The following RYR2 variants were observed in gnomAD, a reference collection of about 807,000 sequenced individuals.
RYR2 encodes cardiac muscle ryanodine receptor-calcium release channel.
Under a neutral mutation model 601.1 loss-of-function variants are expected in RYR2, and 227 were observed. The ratio of observed to expected loss-of-function variants is 0.38; its 90% CI spans 0.34 to 0.42. The LOEUF (loss-of-function observed/expected upper bound fraction) is 0.42. Among genes scored for constraint, RYR2 ranks in the 10% least tolerant of loss-of-function variants. RYR2 has a pLI of 1.00. For missense variants in RYR2, 4,646 were observed against 6,156.5 expected (o/e 0.75, Z 8.21); for synonymous variants, 2,223 against 2,175.1 (o/e 1.02, Z -0.61).
At chr1:237,806,339 CAAAG>C (rs1660632124) in intron 99 of RYR2, 56 bp downstream of exon 99, 1 of 1,519,288 alleles carries the variant, frequency 6.6e-7, no homozygotes, top group East Asian at 2.3e-5. Flanking sequence ...ACAAATAAAA[CAAAG>C]AAAAATAAAA....
chr1:237,102,296 G>A (rs1234186415), intron 1 of RYR2, among the ~76,000 whole-genome samples: 1 of 152,186 alleles, frequency 6.6e-6, no homozygotes, highest in Non-Finnish European at 1.5e-5. Context: ...AGGTGCTGGT[G>A]AGGGTGGTGG....
intron 2 of RYR2, among the ~76,000 whole-genome samples, chr1:237,318,919 C>T (rs1007326963): frequency 1.3e-5 from 2 of 152,094 alleles, no homozygotes; most frequent in African/African-American, 2.4e-5. Flanking sequence ...TTCTTTCTCT[C>T]CTATTCTTCT....
intron 10 of RYR2, among the ~76,000 whole-genome samples, chr1:237,406,323 G>A (rs1248124638): frequency 1.3e-5 from 2 of 149,546 alleles, no homozygotes; most frequent in Non-Finnish European, 3.0e-5. Flanking sequence ...CTGTACATTC[G>A]TGGATACAGG....
intron 2 of RYR2, among the ~76,000 whole-genome samples, chr1:237,293,272 A>C (rs1692426457): frequency 6.6e-6 from 1 of 152,072 alleles, no homozygotes; most frequent in Non-Finnish European, 1.5e-5. Flanking sequence ...AGTGACACAG[A>C]CTCAGCTCAC....
At chr1:237,145,234 G>GA (rs1281304596) in intron 1 of RYR2, among the ~76,000 whole-genome samples, 1 of 151,164 alleles carries the variant, frequency 6.6e-6, no homozygotes, top group Non-Finnish European at 1.5e-5. Context: ...AAAAAAAAAA[G>GA]AAAAAAAGAA....
chr1:237,774,624 T>A (rs1462660622), intron 87 of RYR2, among the ~76,000 whole-genome samples: 1 of 152,170 alleles, frequency 6.6e-6, no homozygotes, highest in East Asian at 1.9e-4. Flanking sequence ...TAACATTTCC[T>A]TTAAAATCAA....
intron 1 of RYR2, among the ~76,000 whole-genome samples, chr1:237,203,775 T>C (rs1219930083): frequency 2.6e-5 from 4 of 152,190 alleles, no homozygotes; most frequent in Non-Finnish European, 4.4e-5. Context: ...TTGAGAAATG[T>C]ATACACACAT....
chr1:237,599,785 G>T (rs1446395073), intron 34 of RYR2, among the ~76,000 whole-genome samples: 3 of 143,834 alleles, frequency 2.1e-5, no homozygotes, highest in Non-Finnish European at 4.5e-5. Context: ...CTCCAGCCTG[G>T]GTGACAGAGT....
rs1224160104 is a variant in RYR2, at chr1:237,784,269, T to C, written c.12557T>C (p.Met4186Thr). Residue 4186 changes from methionine (M) to threonine (T), a missense_variant, in exon 90 of 105, where the codon ATG becomes ACG. By Grantham distance (81) the Met-to-Thr change is moderately conservative (BLOSUM62 -1). Transcript: ENST00000366574. This position sits in a 1 kb window ranked among gnomAD's most constrained non-coding sequence, Gnocchi z 7.1. ...AACGAAGGCGGAGAGAAAGAGAAGA[T>C]GGAACTCTTTGTGAACTTCTGCGAG... Reference protein sequence around the residue: ...VVNEGGEKEKMELFVNFCEDT... With the variant: ...VVNEGGEKEKTELFVNFCEDT... 2.5e-6 allele frequency: 4 copies of C among 1,613,692 alleles called. No individual in the cohort carries two copies. Among genetic ancestry groups the C allele is most frequent in the Non-Finnish European group, 3.4e-6 (4 of 1,179,872 alleles).
Position 237,537,129 on chromosome 1 carries a change from A to G in RYR2, c.2906+6619A>G, listed in dbSNP as rs542337171. Reference sequence around the variant, plus strand: ...GAAGACTATGTAAATTAGTACAACCACTATGGAGATCAATTTAGCCTAATC... The same window carrying G: ...GAAGACTATGTAAATTAGTACAACCGCTATGGAGATCAATTTAGCCTAATC... On this transcript the variant is annotated intron_variant, in intron 25 of 104. Transcript: ENST00000366574. Among the ~76,000 whole-genome samples, 139 of 152,336 alleles carry G rather than the reference A, an allele frequency of 9.1e-4. 1 individual carries two copies. Among genetic ancestry groups the G allele is most frequent in the African/African-American group, 3.2e-3 (134 of 41,586 alleles).
intron 28 of RYR2, among the ~76,000 whole-genome samples, 182 bp from the exon 29 acceptor site, chr1:237,568,963 A>G (rs2148273164): frequency 6.6e-6 from 1 of 152,168 alleles, no homozygotes; most frequent in African/African-American, 2.4e-5. Flanking sequence ...TTAGGTAGGG[A>G]TTTAGAATTC....
At chr1:237,285,548 T>C (rs976212011) in intron 2 of RYR2, among the ~76,000 whole-genome samples, 2 of 152,178 alleles carry the variant, frequency 1.3e-5, no homozygotes, top group African/African-American at 4.8e-5. Flanking sequence ...TAGAATGAAT[T>C]AGGGAGGGTT....
chr1:237,644,010 A>C (rs1681859880), intron 48 of RYR2, among the ~76,000 whole-genome samples: 1 of 152,126 alleles, frequency 6.6e-6, no homozygotes, highest in African/African-American at 2.4e-5. Flanking sequence ...GCTTCCAGAG[A>C]AGCAGAAACA....
chr1:237,360,404 A>G (rs1699681465), intron 4 of RYR2, among the ~76,000 whole-genome samples: 4 of 152,348 alleles, frequency 2.6e-5, no homozygotes, highest in Admixed American at 2.6e-4. Context: ...TTAGGCATTT[A>G]TGCAGCTCTT....
chr1:237,491,727 T>A lies in RYR2; in HGVS notation c.1709-79T>A, dbSNP rs1663365101. The A allele has an allele frequency of 4.2e-6, 3 of 707,816 alleles. No individual in the cohort carries two copies. The Admixed American group carries it at 6.9e-5, about 16-fold the overall frequency. The allele number at this position is 707,816 out of a possible 1,614,324, so 43.8% of individuals were successfully genotyped here. ...TTACATGTTGTACTGAATGCACCTA[T>A]GTAGAAAAAGGAAGACACTGGTCAT... is the stretch of plus-strand genomic sequence containing the variant. On this transcript the variant is annotated intron_variant, in intron 17 of 104. Transcript: ENST00000366574.
rs182383250 is a variant in RYR2, at chr1:237,536,647, G to A, written c.2906+6137G>A. 2.2e-4 allele frequency among the ~76,000 whole-genome samples: 33 copies of A among 148,680 alleles called. No homozygotes were observed. In the East Asian group the frequency reaches 2.8e-3, roughly 13 times the overall value. On this transcript the variant is annotated intron_variant, in intron 25 of 104. Transcript: ENST00000366574. The stretch of plus-strand genomic sequence containing the variant: ...GGAGAATGGCGTGAATCCGGGAGGC[G>A]GAGGTTGCAGTGAGCCGCGATAGTG...
chr1:237,353,511 GAAAAAAA>G (rs61606386), intron 3 of RYR2, among the ~76,000 whole-genome samples: 5 of 52,718 alleles, frequency 9.5e-5, no homozygotes, highest in Admixed American at 8.2e-4. Context: ...TCCGTCTCAA[GAAAAAAA>G]AAAAAAAAAA....
chr1:237,085,154 G>A (rs10802587), intron 1 of RYR2, among the ~76,000 whole-genome samples: 98,654 of 152,118 alleles, frequency 0.65, 32,810 homozygotes, highest in East Asian at 0.85. Flanking sequence ...ATAGGCTTAC[G>A]TAGTAGAGTG....
intron 61 of RYR2, among the ~76,000 whole-genome samples, chr1:237,678,410 T>C (rs559060098): frequency 5.3e-5 from 8 of 152,208 alleles, no homozygotes; most frequent in Non-Finnish European, 1.0e-4. Flanking sequence ...ATCTATTTCT[T>C]AACATTTGGA....
Sources: gnomAD v4.1 joint callset for allele counts (sites outside exome capture counted in the v4.1 genomes callset) on GRCh38, gnomAD v4.1.1 for gene constraint, Gnocchi (gnomAD v3.1) non-coding constraint, MANE v1.5 for transcripts, NCBI Gene and HGNC (gene_info 2026-07-23, HGNC 2026-07-21) for gene names.